Variants in AGO2 observed in about 807,000 individuals in gnomAD.
AGO2 encodes protein argonaute-2.
A neutral mutation model predicts 102.3 loss-of-function variants in AGO2; 5 were observed. The ratio of observed to expected loss-of-function variants is 0.05; its 90% confidence interval spans 0.03 to 0.10. The LOEUF is 0.10. Among genes scored for constraint, AGO2 ranks in the 10% least tolerant of loss-of-function variants. AGO2 has a pLI of 1.00. For missense variants in AGO2, 541 were observed against 1,183.7 expected (o/e 0.46, Z 7.97); for synonymous variants, 449 against 473.1 (o/e 0.95, Z 0.66).
rs1554702370 is a variant in AGO2 at position 140,552,728 on chromosome 8, A to ATGCG, written c.1270-1293_1270-1292insCGCA. Among the ~76,000 whole-genome samples, 7 of 124,132 alleles carry ATGCG rather than the reference A, an allele frequency of 5.6e-5. No homozygotes were observed. The East Asian group carries it at 1.3e-3, about 23-fold the overall frequency. 81.4% of individuals were successfully genotyped at this position (124,132 alleles called of 152,430 possible). A position where few individuals can be genotyped will look rare whatever the true frequency, so the allele number is the denominator to read the frequency against. ...CATGCACATGAACACACGCACATGC[A>ATGCG]CGCGCGCGCGCGCACACACACACAC... On this transcript the variant is annotated intron_variant, in intron 10 of 18. Transcript: ENST00000220592.
At chr8:140,545,228 G>A (rs2072878865) in intron 13 of AGO2, among the ~76,000 whole-genome samples, 1 of 152,128 alleles carries the variant, frequency 6.6e-6, no homozygotes, top group Non-Finnish European at 1.5e-5. Context: ...GCTTGCGCTG[G>A]CTCCCAGGCC....
intron 1 of AGO2, among the ~76,000 whole-genome samples, chr8:140,603,618 C>A (rs1445699503): frequency 1.3e-5 from 2 of 152,218 alleles, no homozygotes; most frequent in Non-Finnish European, 2.9e-5. Context: ...AGAGGTGGAG[C>A]CACGCACGTG....
At chr8:140,590,117 G>A (rs2073725422) in intron 1 of AGO2, among the ~76,000 whole-genome samples, 1 of 152,184 alleles carries the variant, frequency 6.6e-6, no homozygotes, top group African/African-American at 2.4e-5. Context: ...CCCACGGTGA[G>A]CCGAAGTCAA....
At chr8:140,599,615 C>T (rs765574158) in intron 1 of AGO2, among the ~76,000 whole-genome samples, 4 of 152,192 alleles carry the variant, frequency 2.6e-5, no homozygotes, top group Non-Finnish European at 5.9e-5. Flanking sequence ...CACGCTCACC[C>T]GGGGTGCTCA....
At chr8:140,603,183 G>T (rs948794130) in intron 1 of AGO2, among the ~76,000 whole-genome samples, 1 of 152,156 alleles carries the variant, frequency 6.6e-6, no homozygotes, top group Non-Finnish European at 1.5e-5. Context: ...TAAAGATGGG[G>T]TCTAATCTGG....
At chr8:140,612,016 G>A (rs2074084220) in intron 1 of AGO2, among the ~76,000 whole-genome samples, 1 of 151,598 alleles carries the variant, frequency 6.6e-6, no homozygotes, top group Non-Finnish European at 1.5e-5. Flanking sequence ...GAGGTCAGGA[G>A]ATCGAGACCA....
At chr8:140,536,512 A>G (rs1588435748) in intron 16 of AGO2, among the ~76,000 whole-genome samples, 2 of 152,142 alleles carry the variant, frequency 1.3e-5, no homozygotes, top group East Asian at 3.9e-4. Flanking sequence ...TTTTTAGTAG[A>G]GACGGGGTTT....
chr8:140,541,630 G>T (rs2072800332), intron 14 of AGO2, among the ~76,000 whole-genome samples: 2 of 152,140 alleles, frequency 1.3e-5, no homozygotes, highest in African/African-American at 2.4e-5. Context: ...CAGGCCGGGT[G>T]CAGTGGCTCA....
Position 140,531,885 on chromosome 8 carries a change from CT to C in AGO2, c.*158del. Reference sequence around the variant, plus strand: ...GCAGTTCAAAATCCAAGTTTGAAATCTGGGACGGAAGGCATTCTGGAAAACG... The same window carrying C: ...GCAGTTCAAAATCCAAGTTTGAAATCGGGACGGAAGGCATTCTGGAAAACG... On this transcript the variant is annotated 3_prime_UTR_variant, in exon 19 of 19. Coordinates refer to ENST00000220592, the MANE Select transcript of AGO2 (RefSeq NM_012154.5). 1.5e-6 allele frequency: 1 copy of C among 646,114 alleles called. No individual in the cohort carries two copies. Among genetic ancestry groups the C allele is most frequent in the Non-Finnish European group, 2.7e-6 (1 of 373,540 alleles). The allele number at this position is 646,114 out of a possible 1,614,324, so 40.0% of individuals were successfully genotyped here.
chr8:140,635,616 G>T lies in AGO2; in HGVS notation c.-110C>A. 1.3e-6 allele frequency: 1 copy of T among 797,982 alleles called. No homozygotes were observed. The highest frequency in any genetic ancestry group is 1.5e-6 in the Non-Finnish European group (1 of 661,668). The allele number at this position is 797,982 out of a possible 1,614,324, so 49.4% of individuals were successfully genotyped here. ...CCGGCCGCACGATCCGCCCCGGCGC[G>T]GCCGCCTCGCCAAACAGGTTTACCC... On this transcript the variant is annotated 5_prime_UTR_variant, in exon 1 of 19. Coordinates refer to ENST00000220592, the MANE Select transcript of AGO2 (RefSeq NM_012154.5).
At chr8:140,547,378 C>G in intron 13 of AGO2, 90 bp downstream of exon 13, 1 of 1,491,756 alleles carries the variant, frequency 6.7e-7, no homozygotes, top group South Asian at 1.3e-5. Context: ...AGGGACCCTG[C>G]CCCCCTGCCC....
intron 1 of AGO2, among the ~76,000 whole-genome samples, chr8:140,617,047 G>C (rs2074150382): frequency 6.6e-6 from 1 of 152,214 alleles, no homozygotes; most frequent in Non-Finnish European, 1.5e-5. Flanking sequence ...GCAGGAGCAG[G>C]TCCAGCCTCT....
intron 13 of AGO2, among the ~76,000 whole-genome samples, 200 bp from the exon 14 acceptor site, chr8:140,544,503 G>A (rs955076783): frequency 6.6e-6 from 1 of 152,212 alleles, no homozygotes; most frequent in Non-Finnish European, 1.5e-5. Flanking sequence ...GAATAGCCAC[G>A]GGTTGGGGGG....
rs78979178 is a variant in AGO2, at chr8:140,621,943, C to A, written c.22+13542G>T. On this transcript the variant is annotated intron_variant, in intron 1 of 18. Transcript: ENST00000220592. The stretch of plus-strand genomic sequence containing the variant: ...CTAGCCCATGAGAAATGAACACACA[C>A]GTCCACAGGAAAACTTGTACACAAA... Among the ~76,000 whole-genome samples, 29 of 152,234 alleles carry A rather than the reference C, an allele frequency of 1.9e-4. No homozygotes were observed. The East Asian group carries it at 5.4e-3, about 28-fold the overall frequency.
In AGO2 at chr8:140,532,073, C is replaced by T. The variant is rs2072606913; in HGVS notation, c.2551G>A (p.Asp851Asn). The change falls in exon 19 of 19, where the codon GAC becomes AAC. Residue 851 changes from aspartate (D) to asparagine (N), a missense_variant. Asp to Asn is a conservative substitution (Grantham distance 23). Coordinates refer to ENST00000220592, the MANE Select transcript of AGO2 (RefSeq NM_012154.5). ...GCAAAGTACATGGTGCGCAGAGTGTCTTGGTGAACCTGGACCGCCTTGGCC... is the reference window on the plus strand; with the variant it reads ...GCAAAGTACATGGTGCGCAGAGTGTTTTGGTGAACCTGGACCGCCTTGGCC... Reference protein sequence around the residue: ...ALAKAVQVHQDTLRTMYFA With the variant: ...ALAKAVQVHQNTLRTMYFA 1 of 1,614,080 alleles carries T rather than the reference C, an allele frequency of 6.2e-7. No homozygotes were observed. The highest frequency in any genetic ancestry group is 1.7e-5 in the Admixed American group (1 of 60,000).
intron 1 of AGO2, among the ~76,000 whole-genome samples, chr8:140,617,340 C>T (rs1206372070): frequency 6.6e-6 from 1 of 152,038 alleles, no homozygotes; most frequent in Non-Finnish European, 1.5e-5. Flanking sequence ...CAACCTCCAC[C>T]TCCAGGGTTT....
At chr8:140,588,743 G>A (rs2073701747) in intron 1 of AGO2, among the ~76,000 whole-genome samples, 1 of 152,254 alleles carries the variant, frequency 6.6e-6, no homozygotes, top group Non-Finnish European at 1.5e-5. Flanking sequence ...AGGGACCTCA[G>A]CTGCTCCTGG....
chr8:140,635,829 G>C (rs2074402848), upstream of AGO2, among the ~76,000 whole-genome samples: 1 of 145,068 alleles, frequency 6.9e-6, no homozygotes, highest in Non-Finnish European at 1.5e-5. Flanking sequence ...GGCGGGGCCT[G>C]GGGCGGGGAC....
chr8:140,591,418 C>A (rs1265636530), intron 1 of AGO2, among the ~76,000 whole-genome samples: 1 of 152,222 alleles, frequency 6.6e-6, no homozygotes, highest in Non-Finnish European at 1.5e-5. Flanking sequence ...AGGCAGCCTG[C>A]GCCTCCAGAT....
Sources: gnomAD v4.1 joint callset for allele counts (sites outside exome capture counted in the v4.1 genomes callset) on GRCh38, gnomAD v4.1.1 for gene constraint, MANE v1.5 for transcripts, NCBI Gene and HGNC (gene_info 2026-07-23, HGNC 2026-07-21) for gene names.